PTPRD: variants seen among roughly 807,000 people sequenced by gnomAD.
PTPRD encodes protein tyrosine phosphatase receptor type D.
PTPRD carries 34 observed loss-of-function variants against 214.5 expected under a neutral mutation model. The ratio of observed to expected loss-of-function variants is 0.16; its 90% CI spans 0.12 to 0.21. The LOEUF (loss-of-function observed/expected upper bound fraction) is 0.21, where lower values mean the gene tolerates loss of function less well. Ranked by LOEUF, PTPRD falls within the 10% of genes least tolerant of loss-of-function variation. The probability of loss-of-function intolerance (pLI) is 1.00; values close to 1 mark genes in which losing one functional copy is unlikely to be tolerated. For synonymous variants in PTPRD, 1,128 were observed against 845.7 expected, an observed-to-expected ratio of 1.33 and a Z score of -5.79; for missense variants, 2,545 against 2,398.7, an observed-to-expected ratio of 1.06 and a Z score of -1.27.
At chr9:9,839,424 G>C (rs1173778073) in intron 5 of PTPRD, among the ~76,000 whole-genome samples, 2 of 152,004 alleles carry the variant, frequency 1.3e-5, no homozygotes, top group Non-Finnish European at 2.9e-5. Flanking sequence ...AAACAGAGAG[G>C]GAAATCATGA....
chr9:9,451,837 A>C (rs1410597230), intron 8 of PTPRD, among the ~76,000 whole-genome samples: 1 of 151,510 alleles, frequency 6.6e-6, no homozygotes, highest in African/African-American at 2.4e-5. Context: ...AATTTGCGCT[A>C]TAGATACAAC....
chr9:8,962,213 T>G (rs2154319472), intron 11 of PTPRD: 1 of 152,272 alleles, frequency 6.6e-6, no homozygotes, highest in Non-Finnish European at 1.5e-5. Flanking sequence ...GAAAAAATAA[T>G]TACTTGGTGA....
At chr9:10,451,941 GGAA>G (rs987568160) in intron 2 of PTPRD, among the ~76,000 whole-genome samples, 1 of 152,008 alleles carries the variant, frequency 6.6e-6, no homozygotes, top group Admixed American at 6.6e-5. Flanking sequence ...TTCTTCTGTG[GGAA>G]GAAGGAGAAG....
intron 12 of PTPRD, among the ~76,000 whole-genome samples, chr9:8,638,668 G>C (rs978522974): frequency 6.6e-6 from 1 of 152,004 alleles, no homozygotes; most frequent in Non-Finnish European, 1.5e-5. Flanking sequence ...AATTCAACTT[G>C]TTGGTGATCC....
At chr9:8,917,854 A>G (rs1433042451) in intron 11 of PTPRD, among the ~76,000 whole-genome samples, 1 of 152,204 alleles carries the variant, frequency 6.6e-6, no homozygotes, top group Non-Finnish European at 1.5e-5. Context: ...GAAAGGCAGT[A>G]AAGGATTTGC....
At chr9:9,992,449 G>T (rs1431279997) in intron 4 of PTPRD, among the ~76,000 whole-genome samples, 1 of 152,000 alleles carries the variant, frequency 6.6e-6, no homozygotes, top group Non-Finnish European at 1.5e-5. Flanking sequence ...CCCATTACTG[G>T]GCATATACTC....
intron 3 of PTPRD, among the ~76,000 whole-genome samples, chr9:10,327,240 T>A (rs553690592): frequency 1.1e-4 from 16 of 149,280 alleles, no homozygotes; most frequent in African/African-American, 3.7e-4. Context: ...CAGCAGGAAA[T>A]GAAAAAGAAA....
chr9:9,294,994 A>G (rs1287446980), intron 9 of PTPRD, among the ~76,000 whole-genome samples: 2 of 151,774 alleles, frequency 1.3e-5, no homozygotes, highest in East Asian at 3.9e-4. Context: ...TACTTGTATC[A>G]GGTAACTTTA....
chr9:9,146,876 A>G (rs1283413090), intron 10 of PTPRD, among the ~76,000 whole-genome samples: 1 of 152,188 alleles, frequency 6.6e-6, no homozygotes, highest in African/African-American at 2.4e-5. Flanking sequence ...TACTAACTCC[A>G]GGTGGCCTTT....
chr9:9,672,987 G>C (rs1713035988), intron 7 of PTPRD, among the ~76,000 whole-genome samples: 1 of 151,894 alleles, frequency 6.6e-6, no homozygotes, highest in Admixed American at 6.6e-5. Context: ...CAGACACATA[G>C]ACCTTGATTA....
intron 9 of PTPRD, among the ~76,000 whole-genome samples, chr9:9,270,879 C>T (rs1594901673): frequency 6.6e-6 from 1 of 151,248 alleles, no homozygotes; most frequent in South Asian, 2.1e-4. Context: ...GAATAGATAT[C>T]GGGGGGTGTA....
chr9:9,184,226 A>G (rs916216725), intron 9 of PTPRD, among the ~76,000 whole-genome samples: 1 of 151,990 alleles, frequency 6.6e-6, no homozygotes, highest in Non-Finnish European at 1.5e-5. Flanking sequence ...TCCCTATCAC[A>G]CGTTATCACA....
intron 9 of PTPRD, among the ~76,000 whole-genome samples, chr9:9,273,606 A>T (rs1172381021): frequency 1.3e-5 from 2 of 151,304 alleles, no homozygotes; most frequent in Admixed American, 1.3e-4. Flanking sequence ...CAGATATCAG[A>T]AGTCTTCAAA....
chr9:8,599,561 A>G (rs2094689258), intron 14 of PTPRD, among the ~76,000 whole-genome samples: 1 of 151,268 alleles, frequency 6.6e-6, no homozygotes, highest in Non-Finnish European at 1.5e-5. Flanking sequence ...AAAAGGGGGA[A>G]CGCAAGATGG....
intron 2 of PTPRD, among the ~76,000 whole-genome samples, chr9:10,537,532 G>A (rs1001918105): frequency 6.6e-6 from 1 of 151,950 alleles, no homozygotes; most frequent in Non-Finnish European, 1.5e-5. Context: ...AATGATTTTT[G>A]GTATTTACTT....
chr9:9,063,864 G>A (rs2099715312), intron 10 of PTPRD, among the ~76,000 whole-genome samples: 1 of 152,144 alleles, frequency 6.6e-6, no homozygotes, highest in African/African-American at 2.4e-5. Context: ...CATTAGATAA[G>A]TACATAGCTT....
In PTPRD at chr9:9,784,154, A is replaced by G. The variant is rs141864031; in HGVS notation, c.-367-17303T>C. ...ATTTGCTGTTAATGTTTATAAAAGT[A>G]TTTTTTAAATTATTCTTTGACATAT... is the stretch of plus-strand genomic sequence containing the variant. On this transcript the variant is annotated intron_variant, in intron 5 of 45. Transcript: ENST00000381196. 4.8e-3 allele frequency among the ~76,000 whole-genome samples: 725 copies of G among 152,218 alleles called. 4 individuals are homozygous for G. Among genetic ancestry groups the G allele is most frequent in the African/African-American group, 0.017 (688 of 41,562 alleles).
intron 8 of PTPRD, among the ~76,000 whole-genome samples, chr9:9,526,507 A>T (rs550138490): frequency 6.6e-6 from 1 of 152,332 alleles, no homozygotes; most frequent in Admixed American, 6.5e-5. Context: ...ATATTTAAAA[A>T]TACAGACTAG....
At chr9:9,641,177 G>A (rs16929976) in intron 7 of PTPRD, among the ~76,000 whole-genome samples, 17,388 of 137,542 alleles carry the variant, frequency 0.13, 2,460 homozygotes, top group African/African-American at 0.35. Flanking sequence ...CTTAGCAAAT[G>A]TAGCTCCTTG....
Sources: allele counts gnomAD v4.1 joint callset (sites outside exome capture counted in the v4.1 genomes callset), GRCh38; gene constraint gnomAD v4.1.1; transcripts MANE v1.5; gene names NCBI Gene and HGNC (gene_info 2026-07-23, HGNC 2026-07-21).